Variants in RGS22 observed in about 807,000 individuals in gnomAD.
The protein encoded by RGS22 is regulator of G protein signaling 22.
A neutral mutation model predicts 172.9 loss-of-function variants in RGS22; 148 were observed. The ratio of observed to expected loss-of-function variants is 0.86; its 90% confidence interval spans 0.75 to 0.98. The LOEUF is 0.98. Ranked by LOEUF, RGS22 falls within the 50% of genes least tolerant of loss-of-function variation. The pLI is 0.00. For synonymous variants in RGS22, 458 were observed against 480.2 expected, an observed-to-expected ratio of 0.95 and a Z score of 0.60; for missense variants, 1,347 against 1,440.8, an observed-to-expected ratio of 0.93 and a Z score of 1.05.
At chr8:100,028,630 G>C (rs1324952568) in intron 14 of RGS22, among the ~76,000 whole-genome samples, 1 of 152,146 alleles carries the variant, frequency 6.6e-6, no homozygotes, top group Non-Finnish European at 1.5e-5. Flanking sequence ...ATTACAAAAT[G>C]TGCCTACCAG....
intron 23 of RGS22, among the ~76,000 whole-genome samples, chr8:99,976,577 G>A (rs924865040): frequency 2.0e-5 from 3 of 152,238 alleles, no homozygotes; most frequent in South Asian, 2.1e-4. Context: ...TAGCCAGGAT[G>A]GTCTCGATTT....
chr8:100,020,743 G>T (rs1431589630), intron 14 of RGS22, among the ~76,000 whole-genome samples: 1 of 152,092 alleles, frequency 6.6e-6, no homozygotes, highest in Non-Finnish European at 1.5e-5. Context: ...AAGAAATTAT[G>T]ATTCAAGTCC....
At position 100,047,533 on chromosome 8, in the gene RGS22, C is replaced by G; in HGVS notation, c.1753G>C (p.Ala585Pro). The change falls in exon 11 of 28, where the codon GCA (alanine) becomes CCA (proline). Residue 585 changes from alanine to proline, a missense_variant. Physicochemically the swap from Ala to Pro is conservative, Grantham distance 27. Transcript: ENST00000360863. ...TCCCGCTTCCAAGGCTTTTGAGTTG[C>G]TGTTTTTACTTCAGGTGATTTATTG... ...SPNKSPEVKT[A>P]TQKPWKRELL... 6.2e-7 allele frequency: 1 copy of G among 1,613,152 alleles called. No homozygotes were observed. Among genetic ancestry groups the G allele is most frequent in the Non-Finnish European group, 8.5e-7 (1 of 1,179,538 alleles).
intron 4 of RGS22, among the ~76,000 whole-genome samples, chr8:100,072,896 G>A (rs913401837): frequency 6.6e-6 from 1 of 152,188 alleles, no homozygotes; most frequent in Non-Finnish European, 1.5e-5. Flanking sequence ...AAGTGTAGCA[G>A]TATTAGGTCA....
chr8:100,063,331 T>C (rs1454881896), intron 8 of RGS22, 85 bp downstream of exon 8: 3 of 936,488 alleles, frequency 3.2e-6, no homozygotes, highest in Non-Finnish European at 4.5e-6. Context: ...AAATTTACTT[T>C]GGGCTTTCTC....
chr8:100,007,044 T>C (rs901721570), intron 15 of RGS22, among the ~76,000 whole-genome samples: 1 of 152,142 alleles, frequency 6.6e-6, no homozygotes, highest in African/African-American at 2.4e-5. Flanking sequence ...CTGTAATAAA[T>C]GCATTTTTAT....
intron 18 of RGS22, 31 bp downstream of exon 18, chr8:100,002,171 C>A: frequency 1.3e-6 from 2 of 1,486,730 alleles, no homozygotes; most frequent in South Asian, 1.4e-5. Context: ...TTTCAAACAT[C>A]AATTAAAAAA....
At chr8:99,980,927 A>G (rs908376943) in intron 22 of RGS22, among the ~76,000 whole-genome samples, 3 of 152,188 alleles carry the variant, frequency 2.0e-5, no homozygotes, top group East Asian at 1.9e-4. Flanking sequence ...CACGTCCTCA[A>G]TCATTCCTCT....
At chr8:100,009,104 A>G (rs1318732258) in intron 14 of RGS22, among the ~76,000 whole-genome samples, 1 of 152,148 alleles carries the variant, frequency 6.6e-6, no homozygotes, top group African/African-American at 2.4e-5. Flanking sequence ...AATGCTGTGG[A>G]AGACATAAAG....
intron 23 of RGS22, among the ~76,000 whole-genome samples, chr8:99,967,605 T>C (rs994992802): frequency 1.3e-5 from 2 of 152,152 alleles, no homozygotes; most frequent in Non-Finnish European, 2.9e-5. Flanking sequence ...CAGTGTTAAG[T>C]AAACCGCTGG....
chr8:100,066,539 C>T (rs1810548641), intron 6 of RGS22, among the ~76,000 whole-genome samples: 1 of 151,936 alleles, frequency 6.6e-6, no homozygotes. Flanking sequence ...TGTCCAATAC[C>T]TATAAATTCT....
chr8:100,038,971 T>C lies in RGS22; in HGVS notation c.2126A>G (p.Gln709Arg), dbSNP rs1218332666. ...TACTTTAAAAGGCTGAAGTGTTTCT[T>C]GGTAGAAAAGCTGATGATAAGCCTG... ...DLQAYHQLFYQETLQPFKVCK... is the reference protein window; with the variant it reads ...DLQAYHQLFYRETLQPFKVCK... The change falls in exon 14 of 28, where the codon CAA becomes CGA. Residue 709 changes from glutamine (Q) to arginine (R), a missense_variant. Physicochemically the swap from Gln to Arg is conservative, Grantham distance 43. Transcript: ENST00000360863. The C allele has an allele frequency of 7.4e-6, 12 of 1,612,530 alleles. No homozygotes were observed. Among genetic ancestry groups the C allele is most frequent in the Middle Eastern group, 3.3e-4 (2 of 6,082 alleles).
chr8:100,069,299 T>C (rs991222021), intron 6 of RGS22, among the ~76,000 whole-genome samples: 2 of 152,220 alleles, frequency 1.3e-5, no homozygotes, highest in African/African-American at 4.8e-5. Flanking sequence ...AGAAAAAATT[T>C]CCACAATTGA....
chr8:100,006,574 T>C (rs898538398), intron 15 of RGS22, among the ~76,000 whole-genome samples: 7 of 152,194 alleles, frequency 4.6e-5, no homozygotes, highest in African/African-American at 1.7e-4. Context: ...TCATAGCAGG[T>C]CTCTGTCTTC....
chr8:100,096,000 A>G (rs1179981276), intron 2 of RGS22, among the ~76,000 whole-genome samples: 1 of 152,220 alleles, frequency 6.6e-6, no homozygotes, highest in Non-Finnish European at 1.5e-5. Flanking sequence ...TAGTAAATAA[A>G]GGAACCTATT....
chr8:100,003,859 A>G, intron 17 of RGS22, 67 bp downstream of exon 17: 1 of 1,320,824 alleles, frequency 7.6e-7, no homozygotes, highest in South Asian at 1.7e-5. Context: ...CTTTTATAAT[A>G]TGTTGAATCA....
At chr8:100,051,259 A>G (rs969537906) in intron 10 of RGS22, among the ~76,000 whole-genome samples, 4 of 151,256 alleles carry the variant, frequency 2.6e-5, no homozygotes, top group South Asian at 4.1e-4. Flanking sequence ...GCAGTAAGCT[A>G]GAGTGGTAGG....
chr8:99,964,327 G>A (rs201970026), intron 24 of RGS22, among the ~76,000 whole-genome samples: 33 of 152,010 alleles, frequency 2.2e-4, no homozygotes, highest in South Asian at 6.2e-4. Context: ...GGTGGTGTGC[G>A]CCTGTAGTCC....
At chr8:100,077,634 C>A (rs979804996) in intron 4 of RGS22, among the ~76,000 whole-genome samples, 11 of 152,044 alleles carry the variant, frequency 7.2e-5, no homozygotes, top group Non-Finnish European at 4.4e-5. Flanking sequence ...TTTTATGGCC[C>A]AAAATGTGGT....
Sources: gnomAD v4.1 joint callset for allele counts (sites outside exome capture counted in the v4.1 genomes callset) on GRCh38, gnomAD v4.1.1 for gene constraint, MANE v1.5 for transcripts, NCBI Gene and HGNC (gene_info 2026-07-23, HGNC 2026-07-21) for gene names.